The following PTBP3 variants were observed in gnomAD, a reference collection of about 807,000 sequenced individuals.
The protein encoded by PTBP3 is polypyrimidine tract-binding protein 3.
PTBP3 carries 20 observed loss-of-function variants against 58.7 expected under a neutral mutation model. The observed-to-expected ratio is 0.34, with a 90% CI of 0.24 to 0.50. The LOEUF (loss-of-function observed/expected upper bound fraction) is 0.50. PTBP3 is among the 20% of genes least tolerant of loss of function. The probability of loss-of-function intolerance (pLI) is 0.98; values close to 1 mark genes in which losing one functional copy is unlikely to be tolerated. For synonymous variants in PTBP3, 185 were observed against 219.8 expected, an observed-to-expected ratio of 0.84 and a Z score of 1.40; for missense variants, 509 against 637.2, an observed-to-expected ratio of 0.80 and a Z score of 2.17.
intron 7 of PTBP3, among the ~76,000 whole-genome samples, chr9:112,245,612 T>C (rs1275122891): frequency 6.6e-6 from 1 of 152,222 alleles, no homozygotes; most frequent in African/African-American, 2.4e-5. Flanking sequence ...ATCTAATGTT[T>C]AGGTATTGAT....
chr9:112,261,682 C>T (rs1836601917), intron 5 of PTBP3, among the ~76,000 whole-genome samples: 1 of 152,138 alleles, frequency 6.6e-6, no homozygotes, highest in Admixed American at 6.5e-5. Flanking sequence ...TATTTATATA[C>T]ACAGATTACC....
Position 112,221,763 on chromosome 9 carries a change from T to C in PTBP3, c.*2088A>G. On this transcript the variant is annotated 3_prime_UTR_variant, in exon 14 of 14. Transcript: ENST00000374257. ...TCCTTTCTATTCTACCAACTAAGTG[T>C]TGCTCAGTGGTGAGTGAATTCTGCT... 1.0e-6 allele frequency: 1 copy of C among 985,252 alleles called. No homozygotes were observed. The highest frequency in any genetic ancestry group is 1.2e-6 in the Non-Finnish European group (1 of 829,750). 61.0% of individuals were successfully genotyped at this position (985,252 alleles called of 1,614,324 possible). A position where few individuals can be genotyped will look rare whatever the true frequency, so the allele number is the denominator to read the frequency against.
rs374072246 is a variant in PTBP3, at chr9:112,286,180, C to T, written c.35-10167G>A. 2.4e-3 allele frequency among the ~76,000 whole-genome samples: 366 copies of T among 152,252 alleles called. 2 individuals carry two copies. Among genetic ancestry groups the T allele is most frequent in the African/African-American group, 8.5e-3 (354 of 41,558 alleles). ...ATATATTTTCTTTCCCAACCTTTGGCTTTTTACCTGAGATTTCATATTTAA... is the reference window on the plus strand; with the variant it reads ...ATATATTTTCTTTCCCAACCTTTGGTTTTTTACCTGAGATTTCATATTTAA... On this transcript the variant is annotated intron_variant, in intron 2 of 13. Transcript: ENST00000374257.
chr9:112,325,295 A>T (rs527253996), intron 1 of PTBP3, among the ~76,000 whole-genome samples: 1 of 152,116 alleles, frequency 6.6e-6, no homozygotes, highest in African/African-American at 2.4e-5. Context: ...AAATAAATCA[A>T]CGTGGAGCGG....
chr9:112,310,648 T>C (rs2132384872), intron 1 of PTBP3, among the ~76,000 whole-genome samples: 1 of 152,284 alleles, frequency 6.6e-6, no homozygotes, highest in South Asian at 2.1e-4. Context: ...AACATAATAA[T>C]CAAAGTAAGT....
chr9:112,220,827 T>G lies in PTBP3; in HGVS notation c.*3024A>C. Reference sequence around the variant, plus strand: ...AAGTCCTGAATATATATACTTTGTGTAGAAGTCAAGACACCTTGAAAAGTG... The same window carrying G: ...AAGTCCTGAATATATATACTTTGTGGAGAAGTCAAGACACCTTGAAAAGTG... On this transcript the variant is annotated 3_prime_UTR_variant, in exon 14 of 14. Coordinates refer to ENST00000374257, the MANE Select transcript of PTBP3 (RefSeq NM_001163788.4). The G allele has an allele frequency of 3.1e-6, 3 of 973,830 alleles. No individual in the cohort carries two copies. Among genetic ancestry groups the G allele is most frequent in the Non-Finnish European group, 3.7e-6 (3 of 819,400 alleles). 60.3% of individuals were successfully genotyped at this position (973,830 alleles called of 1,614,324 possible).
the PTBP3 span, among the ~76,000 whole-genome samples, chr9:112,348,644 A>G: frequency 6.6e-6 from 1 of 152,220 alleles, no homozygotes; most frequent in Non-Finnish European, 1.5e-5. Context: ...TCAAAGATCA[A>G]ATCATACACC....
chr9:112,325,367 C>G (rs1394485681), intron 1 of PTBP3, among the ~76,000 whole-genome samples: 1 of 152,108 alleles, frequency 6.6e-6, no homozygotes, highest in Non-Finnish European at 1.5e-5. Context: ...GAATTCACGC[C>G]TTAGGCTAGG....
the PTBP3 span, among the ~76,000 whole-genome samples, chr9:112,362,253 C>A: frequency 1.3e-5 from 2 of 152,096 alleles, no homozygotes; most frequent in African/African-American, 2.4e-5. Flanking sequence ...GTTGAGGCTG[C>A]AGTGAGCCAT....
chr9:112,317,246 AAAAAAAAAG>A (rs1222437980), intron 1 of PTBP3, among the ~76,000 whole-genome samples: 1 of 151,482 alleles, frequency 6.6e-6, no homozygotes, highest in Non-Finnish European at 1.5e-5. Context: ...CCCCATATCC[AAAAAAAAAG>A]AAAAAAAAGA....
At chr9:112,315,197 A>G (rs886555132) in intron 1 of PTBP3, among the ~76,000 whole-genome samples, 7 of 152,140 alleles carry the variant, frequency 4.6e-5, no homozygotes, top group Non-Finnish European at 8.8e-5. Flanking sequence ...TACACAGAAC[A>G]TTCATAAAGA....
chr9:112,370,752 C>A, the PTBP3 span, among the ~76,000 whole-genome samples: 2 of 152,134 alleles, frequency 1.3e-5, no homozygotes, highest in Non-Finnish European at 2.9e-5. Context: ...TTAAGTCTTT[C>A]AACCCATGAA....
chr9:112,321,124 T>A (rs1829929654), intron 1 of PTBP3, among the ~76,000 whole-genome samples: 1 of 152,164 alleles, frequency 6.6e-6, no homozygotes, highest in African/African-American at 2.4e-5. Flanking sequence ...GACAAAGGAC[T>A]TATATTCACA....
chr9:112,326,086 G>C (rs986786979), intron 1 of PTBP3, among the ~76,000 whole-genome samples: 1 of 152,296 alleles, frequency 6.6e-6, no homozygotes, highest in Middle Eastern at 3.4e-3. Context: ...ACTGGGTCTG[G>C]AAAGAGGCAA....
At chr9:112,281,190 C>T (rs1019792491) in intron 2 of PTBP3, 11 of 194,846 alleles carry the variant, frequency 5.6e-5, no homozygotes, top group Non-Finnish European at 6.6e-5. Flanking sequence ...TTACTTTAGT[C>T]CTCCACATTT....
intron 2 of PTBP3, among the ~76,000 whole-genome samples, chr9:112,284,327 T>C (rs1220967059): frequency 6.6e-6 from 1 of 152,174 alleles, no homozygotes; most frequent in Non-Finnish European, 1.5e-5. Flanking sequence ...CCCAAAGCCT[T>C]GGAAGCTCAC....
intron 1 of PTBP3, among the ~76,000 whole-genome samples, chr9:112,317,984 A>G (rs776199740): frequency 1.3e-5 from 2 of 152,176 alleles, no homozygotes; most frequent in Non-Finnish European, 2.9e-5. Context: ...ACAACTTTAC[A>G]TGCATAAATC....
chr9:112,348,551 G>A, the PTBP3 span, among the ~76,000 whole-genome samples: 1 of 152,236 alleles, frequency 6.6e-6, no homozygotes, highest in African/African-American at 2.4e-5. Flanking sequence ...AAGCCACTGC[G>A]CATGCGCACA....
intron 2 of PTBP3, among the ~76,000 whole-genome samples, chr9:112,282,208 T>A (rs1827900688): frequency 6.6e-6 from 1 of 152,208 alleles, no homozygotes; most frequent in East Asian, 1.9e-4. Flanking sequence ...ATTAAGTCAA[T>A]AATAATACCC....
Sources: allele counts gnomAD v4.1 joint callset (sites outside exome capture counted in the v4.1 genomes callset), GRCh38; gene constraint gnomAD v4.1.1; transcripts MANE v1.5; gene names NCBI Gene and HGNC (gene_info 2026-07-23, HGNC 2026-07-21).